Variants in THSD4 observed in about 807,000 individuals in gnomAD.
THSD4 encodes the protein thrombospondin type 1 domain containing 4.
Under a neutral mutation model 119.0 loss-of-function variants are expected in THSD4, and 69 were observed. That is an observed-to-expected ratio of 0.58 (90% confidence interval 0.48 to 0.71). The LOEUF (loss-of-function observed/expected upper bound fraction) is 0.71. Among genes scored for constraint, THSD4 ranks in the 30% least tolerant of loss-of-function variants. The pLI, the probability that THSD4 is intolerant of heterozygous loss-of-function variation, is 0.00. For synonymous variants in THSD4, 524 were observed against 540.4 expected, an observed-to-expected ratio of 0.97 and a Z score of 0.42; for missense variants, 1,393 against 1,391.1, an observed-to-expected ratio of 1.00 and a Z score of -0.02.
chr15:71,487,557 A>C (rs1232464880), intron 7 of THSD4, among the ~76,000 whole-genome samples: 1 of 152,200 alleles, frequency 6.6e-6, no homozygotes, highest in African/African-American at 2.4e-5. Context: ...ATGGTATAGA[A>C]AAAAATCTTC....
At chr15:71,707,576 C>T (rs1404991806) in intron 8 of THSD4, among the ~76,000 whole-genome samples, 2 of 152,140 alleles carry the variant, frequency 1.3e-5, no homozygotes, top group Non-Finnish European at 2.9e-5. Context: ...GATATCTCTA[C>T]GATAATTTTC....
chr15:71,114,191 A>C (rs2040331571), upstream of THSD4, among the ~76,000 whole-genome samples: 1 of 151,400 alleles, frequency 6.6e-6, no homozygotes, highest in South Asian at 2.1e-4. Flanking sequence ...CTTTGGCCTA[A>C]TCTCTTGAGT....
At chr15:71,225,174 C>G (rs1175821574) in intron 4 of THSD4, among the ~76,000 whole-genome samples, 2 of 152,186 alleles carry the variant, frequency 1.3e-5, no homozygotes. Context: ...CATCCCCACC[C>G]TACCCTTAAG....
intron 7 of THSD4, among the ~76,000 whole-genome samples, chr15:71,574,445 A>G (rs1188649986): frequency 6.6e-6 from 1 of 152,174 alleles, no homozygotes; most frequent in Admixed American, 6.5e-5. Context: ...TTTTGGAAAC[A>G]CTAAACCAAG....
intron 9 of THSD4, chr15:71,729,523 G>A (rs1595896327): frequency 6.6e-6 from 1 of 152,098 alleles, no homozygotes; most frequent in African/African-American, 2.4e-5. Context: ...TAATTGCATT[G>A]TCATTACTTC....
At chr15:71,335,699 T>C (rs2140380120) in intron 6 of THSD4, among the ~76,000 whole-genome samples, 1 of 152,326 alleles carries the variant, frequency 6.6e-6, no homozygotes, top group South Asian at 2.1e-4. Context: ...CCGAAGATGA[T>C]GCCACTCTGG....
At chr15:71,765,267 C>T in intron 16 of THSD4, 68 bp downstream of exon 16, 2 of 1,512,454 alleles carry the variant, frequency 1.3e-6, no homozygotes, top group South Asian at 1.4e-5. Context: ...CCTATAGACC[C>T]CTCTGGGCCA....
chr15:71,631,069 G>A (rs1375325468), intron 7 of THSD4, among the ~76,000 whole-genome samples: 2 of 152,108 alleles, frequency 1.3e-5, no homozygotes, highest in South Asian at 2.1e-4. Flanking sequence ...AGATCTCCCC[G>A]CAGTTGAGTA....
intron 7 of THSD4, among the ~76,000 whole-genome samples, chr15:71,537,572 G>A (rs1462731779): frequency 6.6e-6 from 1 of 151,860 alleles, no homozygotes; most frequent in Non-Finnish European, 1.5e-5. Flanking sequence ...TTTTCACATT[G>A]CAATTCTAAA....
At chr15:71,771,316 C>T in intron 17 of THSD4, 108 bp downstream of exon 17, 2 of 1,395,316 alleles carry the variant, frequency 1.4e-6, no homozygotes, top group East Asian at 2.3e-5. Flanking sequence ...TGACCTTGCA[C>T]ACAGTCATGG....
intron 6 of THSD4, among the ~76,000 whole-genome samples, chr15:71,389,738 A>G (rs2046346622): frequency 1.3e-5 from 2 of 150,144 alleles, no homozygotes; most frequent in South Asian, 2.1e-4. Context: ...ACTATTTTAC[A>G]TTCCCACCAA....
intron 11 of THSD4, among the ~76,000 whole-genome samples, chr15:71,740,712 A>G (rs773259888): frequency 1.1e-4 from 16 of 152,242 alleles, no homozygotes; most frequent in Admixed American, 9.2e-4. Context: ...ATTTAAAGAA[A>G]GCAAGGTTTT....
At chr15:71,704,724 AG>A (rs2052361578) in intron 8 of THSD4, among the ~76,000 whole-genome samples, 1 of 152,242 alleles carries the variant, frequency 6.6e-6, no homozygotes, top group African/African-American at 2.4e-5. Flanking sequence ...CTGGACATAC[AG>A]GGGCCGGTTG....
chr15:71,232,241 C>T (rs1179746519), intron 4 of THSD4, among the ~76,000 whole-genome samples: 1 of 152,174 alleles, frequency 6.6e-6, no homozygotes, highest in Non-Finnish European at 1.5e-5. Flanking sequence ...TGACTTCTTG[C>T]ATATGGAAAC....
intron 7 of THSD4, among the ~76,000 whole-genome samples, chr15:71,466,186 A>T (rs2140627468): frequency 6.6e-6 from 1 of 151,954 alleles, no homozygotes; most frequent in South Asian, 2.1e-4. Flanking sequence ...TGTCTCTACT[A>T]AAAATACAAA....
At chr15:71,430,238 A>G (rs1459111744) in intron 7 of THSD4, among the ~76,000 whole-genome samples, 1 of 152,236 alleles carries the variant, frequency 6.6e-6, no homozygotes, top group Non-Finnish European at 1.5e-5. Flanking sequence ...ATCTAACAAC[A>G]GATGCACCAT....
chr15:71,547,531 A>G (rs1360890251), intron 7 of THSD4: 63 of 1,544,600 alleles, frequency 4.1e-5, no homozygotes, highest in Admixed American at 2.4e-4. Flanking sequence ...TTTCAGCATT[A>G]TATTTCCTCT....
chr15:71,105,953 C>A (rs1361532654), intron 1 of THSD4, among the ~76,000 whole-genome samples: 1 of 152,102 alleles, frequency 6.6e-6, no homozygotes, highest in Admixed American at 6.5e-5. Context: ...AGCTCCTCAT[C>A]CAGATATGGA....
chr15:71,127,156 A>G (rs1416501754), intron 1 of THSD4, among the ~76,000 whole-genome samples: 1 of 152,172 alleles, frequency 6.6e-6, no homozygotes, highest in African/African-American at 2.4e-5. Context: ...TAGATTCCAC[A>G]TATAAGTAAA....
Sources: gnomAD v4.1 joint callset for allele counts (sites outside exome capture counted in the v4.1 genomes callset) on GRCh38, gnomAD v4.1.1 for gene constraint, MANE v1.5 for transcripts, NCBI Gene and HGNC (gene_info 2026-07-23, HGNC 2026-07-21) for gene names.